The following MYO1C variants were observed in gnomAD, a reference collection of about 807,000 sequenced individuals.
MYO1C encodes the protein myosin IC.
In MYO1C, 104 loss-of-function variants were observed where a neutral mutation model predicts 150.8. The observed-to-expected ratio is 0.69, with a 90% confidence interval of 0.59 to 0.81. The LOEUF (loss-of-function observed/expected upper bound fraction) is 0.81, where lower values mean the gene tolerates loss of function less well. Among genes scored for constraint, MYO1C ranks in the 30% least tolerant of loss-of-function variants. The probability of loss-of-function intolerance (pLI) is 0.00; values close to 1 mark genes in which losing one functional copy is unlikely to be tolerated. For synonymous variants in MYO1C, 663 were observed against 579.9 expected (o/e 1.14, Z -2.06); for missense variants, 1,504 against 1,435.0 (o/e 1.05, Z -0.78).
intron 20 of MYO1C, 21 bp downstream of exon 20, chr17:1,471,202 C>G (rs759845913): frequency 1.2e-6 from 2 of 1,613,912 alleles, no homozygotes; most frequent in Admixed American, 1.7e-5. Context: ...CCCGCAGGCA[C>G]CCGGCACGGA....
chr17:1,475,677 T>C (rs942331635), intron 14 of MYO1C, among the ~76,000 whole-genome samples: 1 of 152,246 alleles, frequency 6.6e-6, no homozygotes. Context: ...ACTTAAGTCT[T>C]AGGCGTGTTT....
Position 1,474,672 on chromosome 17 carries a change from T to G in MYO1C, c.1735A>C (p.Asn579His). The change falls in exon 17 of 32, where the codon AAT (asparagine) becomes CAT (histidine). Residue 579 changes from asparagine to histidine, a missense_variant. Physicochemically the swap from Asn to His is moderately conservative, Grantham distance 68. Coordinates refer to ENST00000648651, the MANE Select transcript of MYO1C (RefSeq NM_001080779.2). ...NLKETMCSSK[N>H]PIMSQCFDRS... is the part of the protein sequence containing the mutation. Reference sequence around the variant, plus strand: ...TCAAAGCACTGGCTCATAATGGGATTCTTTGAGCTACACATGGTCTGTGTG... The same window carrying G: ...TCAAAGCACTGGCTCATAATGGGATGCTTTGAGCTACACATGGTCTGTGTG... 1 of 1,613,992 alleles carries G rather than the reference T, an allele frequency of 6.2e-7. No homozygotes were observed. The highest frequency in any genetic ancestry group is 8.5e-7 in the Non-Finnish European group (1 of 1,179,928).
At position 1,480,632 on chromosome 17, in the gene MYO1C, G is replaced by C. The variant is rs2074501111; in HGVS notation, c.808-7C>G. ...AGACTTTGGCACACTGGCCCTGGAG[G>C]AAGGGCACAGCTGGGTTGCCAGCCC... On this transcript the variant is annotated splice_polypyrimidine_tract_variant and splice_region_variant and intron_variant, in intron 6 of 31. Transcript: ENST00000648651. 7 of 1,613,904 alleles carry C rather than the reference G, an allele frequency of 4.3e-6. No individual in the cohort carries two copies. The highest frequency in any genetic ancestry group is 5.9e-6 in the Non-Finnish European group (7 of 1,179,814).
rs769746151 is a variant in MYO1C, at chr17:1,474,706, C to T, written c.1717-16G>A. On this transcript the variant is annotated splice_polypyrimidine_tract_variant and intron_variant, in intron 16 of 31. Transcript: ENST00000648651. ...TACACATGGTCTGTGTGGGCAGAGC[C>T]GGGGTCAGGGTGGGGCACAGGGACA... is the stretch of plus-strand genomic sequence containing the variant. 2.6e-5 allele frequency: 42 copies of T among 1,613,852 alleles called. No homozygotes were observed. Among genetic ancestry groups the T allele is most frequent in the Admixed American group, 3.3e-5 (2 of 60,002 alleles).
At chr17:1,482,378 G>T in intron 5 of MYO1C, 100 bp downstream of exon 5, 1 of 1,089,990 alleles carries the variant, frequency 9.2e-7, no homozygotes, top group Non-Finnish European at 1.4e-6. Flanking sequence ...TTTGACTGCT[G>T]GAATTGCAGC....
At chr17:1,472,342 C>G (rs1376755170) in intron 17 of MYO1C, 114 bp from the exon 18 acceptor site, 5 of 886,626 alleles carry the variant, frequency 5.6e-6, no homozygotes, top group African/African-American at 1.7e-5. Context: ...TCTGATTCTG[C>G]CTGGTCCTTA....
At position 1,480,507 on chromosome 17, in the gene MYO1C, G is replaced by C; in HGVS notation, c.906+20C>G. 1 of 1,597,188 alleles carries C rather than the reference G, an allele frequency of 6.3e-7. No individual in the cohort carries two copies. The highest frequency in any genetic ancestry group is 1.1e-5 in the South Asian group (1 of 90,778). On this transcript the variant is annotated intron_variant, in intron 7 of 31. Coordinates refer to ENST00000648651, the MANE Select transcript of MYO1C (RefSeq NM_001080779.2). ...GGGGGTGTGACAGGAGGAAAGCGAG[G>C]GTCCCGGAAGAGGCCTCACCTCCAC...
rs559553176 is a variant in MYO1C, at chr17:1,479,422, C to T, written c.1092+9G>A. On this transcript the variant is annotated intron_variant, in intron 9 of 31. Transcript: ENST00000648651. This position sits in a 1 kb window ranked among gnomAD's most constrained non-coding sequence, Gnocchi z 4.2. The stretch of plus-strand genomic sequence containing the variant: ...CCCTCCACACCCGAGGGCAAGGGCC[C>T]GGCCTCACCTCCTCCCCCTTGGCGA... The T allele has an allele frequency of 2.7e-5, 35 of 1,320,534 alleles. No homozygotes were observed. The highest frequency in any genetic ancestry group is 3.8e-5 in the South Asian group (3 of 79,622). The allele number at this position is 1,320,534 out of a possible 1,614,324, so 81.8% of individuals were successfully genotyped here.
chr17:1,471,217 A>G lies in MYO1C; in HGVS notation c.2135+6T>C, dbSNP rs1369683945. On this transcript the variant is annotated splice_donor_region_variant and intron_variant, in intron 20 of 31. Coordinates refer to ENST00000648651, the MANE Select transcript of MYO1C (RefSeq NM_001080779.2). ...CCCGCAGGCACCCGGCACGGACACT[A>G]CCCACCTGCCCATCTTGTACTCTTC... 1.2e-6 allele frequency: 2 copies of G among 1,613,684 alleles called. No homozygotes were observed. The highest frequency in any genetic ancestry group is 1.7e-6 in the Non-Finnish European group (2 of 1,179,816).
intron 1 of MYO1C, chr17:1,485,239 G>A (rs1042269767): frequency 6.9e-6 from 8 of 1,164,448 alleles, no homozygotes; most frequent in Non-Finnish European, 8.6e-6. Context: ...AGGGTCTCAG[G>A]GCTCCAAAAA....
chr17:1,491,065 C>G (rs2074723998), intron 1 of MYO1C: 1 of 152,194 alleles, frequency 6.6e-6, no homozygotes, highest in East Asian at 1.9e-4. Context: ...GCTCCCACTC[C>G]CTACACGCAG....
intron 29 of MYO1C, 34 bp downstream of exon 29, chr17:1,467,806 C>G: frequency 9.3e-7 from 1 of 1,073,768 alleles, no homozygotes; most frequent in Non-Finnish European, 1.4e-6. Context: ...CCTCCCCCAT[C>G]CCCCACCACT....
chr17:1,471,789 G>A, intron 19 of MYO1C, 118 bp downstream of exon 19: 14 of 1,108,958 alleles, frequency 1.3e-5, no homozygotes, highest in Non-Finnish European at 1.9e-5. Context: ...GGGCAGCCCA[G>A]GGCCTCCGCA....
At position 1,479,972 on chromosome 17, in the gene MYO1C, C is replaced by T. The variant is rs2074483958; in HGVS notation, c.907-267G>A. ...ACCAGCCCAGCCAACATGGCAAAAC[C>T]CCATCATTATTAAAAATACAAAAAT... On this transcript the variant is annotated intron_variant, in intron 7 of 31. Coordinates refer to ENST00000648651, the MANE Select transcript of MYO1C (RefSeq NM_001080779.2). The surrounding 1 kb of genome is among the most constrained non-coding windows in gnomAD (Gnocchi z 4.2). 6.7e-6 allele frequency among the ~76,000 whole-genome samples: 1 copy of T among 148,172 alleles called. No homozygotes were observed. The highest frequency in any genetic ancestry group is 6.7e-5 in the Admixed American group (1 of 14,852).
Position 1,478,225 on chromosome 17 carries a change from A to G in MYO1C, c.1296-33T>C, listed in dbSNP as rs764712495. The G allele has an allele frequency of 7.5e-6, 12 of 1,601,910 alleles. No homozygotes were observed. The South Asian group carries it at 1.3e-4, about 18-fold the overall frequency. On this transcript the variant is annotated intron_variant, in intron 11 of 31. Coordinates refer to ENST00000648651, the MANE Select transcript of MYO1C (RefSeq NM_001080779.2). The surrounding 1 kb of genome is among the most constrained non-coding windows in gnomAD (Gnocchi z 6.3). ...GAAGGAGAAGAGCCCACAGTGGCTC[A>G]GTGGGGACACAGGACCAGGAGAGGG...
At chr17:1,480,492 CAGG>C in intron 7 of MYO1C, 32 bp downstream of exon 7, 2 of 1,536,230 alleles carry the variant, frequency 1.3e-6, no homozygotes, top group Non-Finnish European at 1.8e-6. Context: ...GGGGGTGTGA[CAGG>C]AGGAAAGCGA....
At chr17:1,492,319 G>A in intron 1 of MYO1C, 94 bp downstream of exon 1, 1 of 1,279,600 alleles carries the variant, frequency 7.8e-7, no homozygotes, top group Non-Finnish European at 1.1e-6. Context: ...CCTCCCCGCT[G>A]CTCAGCTCTT....
intron 13 of MYO1C, 56 bp downstream of exon 13, chr17:1,477,835 G>T: frequency 1.3e-6 from 2 of 1,495,918 alleles, no homozygotes; most frequent in Non-Finnish European, 1.9e-6. Flanking sequence ...ACGGAGAAGG[G>T]GGACATCCTC....
In MYO1C at chr17:1,468,398, C is replaced by A; in HGVS notation, c.2704+5G>T. 1 of 1,613,926 alleles carries A rather than the reference C, an allele frequency of 6.2e-7. No homozygotes were observed. The highest frequency in any genetic ancestry group is 8.5e-7 in the Non-Finnish European group (1 of 1,179,846). Reference sequence around the variant, plus strand: ...GGTCTGAGTGCTGGAAAGTCAGGGGCTCACCAAGCCGAGTGCTGATGAAGA... The same window carrying A: ...GGTCTGAGTGCTGGAAAGTCAGGGGATCACCAAGCCGAGTGCTGATGAAGA... On this transcript the variant is annotated splice_donor_5th_base_variant and intron_variant, in intron 26 of 31. Coordinates refer to ENST00000648651, the MANE Select transcript of MYO1C (RefSeq NM_001080779.2).
Sources: allele counts gnomAD v4.1 joint callset (sites outside exome capture counted in the v4.1 genomes callset), GRCh38; gene constraint gnomAD v4.1.1; non-coding constraint Gnocchi (gnomAD v3.1); transcripts MANE v1.5; gene names NCBI Gene and HGNC (gene_info 2026-07-23, HGNC 2026-07-21).